The following GPR158 variants were observed in gnomAD, a reference collection of about 807,000 sequenced individuals.
The protein encoded by GPR158 is metabotropic glycine receptor.
GPR158 carries 30 observed loss-of-function variants against 78.2 expected under a neutral mutation model. The ratio of observed to expected loss-of-function variants is 0.38; its 90% CI spans 0.29 to 0.52. The LOEUF (loss-of-function observed/expected upper bound fraction) is 0.52. Among genes scored for constraint, GPR158 ranks in the 20% least tolerant of loss-of-function variants. The probability of loss-of-function intolerance (pLI) is 0.83; values close to 1 mark genes in which losing one functional copy is unlikely to be tolerated. For synonymous variants in GPR158, 581 were observed against 591.1 expected (o/e 0.98, Z 0.25); for missense variants, 1,463 against 1,523.5 (o/e 0.96, Z 0.66).
At chr10:25,257,382 C>A (rs1853903604) in intron 2 of GPR158, among the ~76,000 whole-genome samples, 1 of 152,144 alleles carries the variant, frequency 6.6e-6, no homozygotes, top group Non-Finnish European at 1.5e-5. Flanking sequence ...ATAGGAATGC[C>A]TCTTAATACA....
intron 2 of GPR158, among the ~76,000 whole-genome samples, chr10:25,257,148 C>A (rs991972262): frequency 6.6e-6 from 1 of 152,146 alleles, no homozygotes; most frequent in Non-Finnish European, 1.5e-5. Context: ...CATCCCACAG[C>A]AGAAAGGGAG....
intron 2 of GPR158, among the ~76,000 whole-genome samples, chr10:25,343,677 C>T (rs542448497): frequency 1.1e-4 from 17 of 152,068 alleles, no homozygotes; most frequent in African/African-American, 3.6e-4. Flanking sequence ...TCAATTAATA[C>T]ATCTAAATGA....
intron 4 of GPR158, among the ~76,000 whole-genome samples, chr10:25,448,493 TG>T (rs1356993077): frequency 1.2e-4 from 19 of 152,366 alleles, no homozygotes; most frequent in African/African-American, 4.3e-4. Context: ...ATGAATGTTA[TG>T]TAATTTGTGC....
At chr10:25,516,253 G>A (rs1435393723) in intron 5 of GPR158, among the ~76,000 whole-genome samples, 1 of 148,596 alleles carries the variant, frequency 6.7e-6, no homozygotes, top group Non-Finnish European at 1.5e-5. Flanking sequence ...TGAGTTCATT[G>A]TAGATTCTGG....
chr10:25,482,444 A>G (rs929113126), intron 5 of GPR158, among the ~76,000 whole-genome samples: 3 of 152,090 alleles, frequency 2.0e-5, no homozygotes, highest in African/African-American at 7.2e-5. Context: ...CATCCTCCCA[A>G]AAAACTGAGA....
chr10:25,319,512 C>T (rs1342717514), intron 2 of GPR158, among the ~76,000 whole-genome samples: 1 of 152,094 alleles, frequency 6.6e-6, no homozygotes, highest in Non-Finnish European at 1.5e-5. Context: ...ATTTGATACC[C>T]TGGTTTCTAG....
At chr10:25,276,375 G>A (rs993972658) in intron 2 of GPR158, among the ~76,000 whole-genome samples, 4 of 152,120 alleles carry the variant, frequency 2.6e-5, no homozygotes, top group Admixed American at 2.0e-4. Flanking sequence ...TTCTTCCTTT[G>A]TAGTGTTTAA....
At chr10:25,530,531 G>C (rs906715552) in intron 5 of GPR158, among the ~76,000 whole-genome samples, 1 of 152,314 alleles carries the variant, frequency 6.6e-6, no homozygotes, top group East Asian at 1.9e-4. Context: ...CCCCGCAGAA[G>C]GTGTGCTGCA....
chr10:25,350,430 G>C (rs1447369212), intron 2 of GPR158, among the ~76,000 whole-genome samples: 1 of 151,910 alleles, frequency 6.6e-6, no homozygotes, highest in East Asian at 1.9e-4. Flanking sequence ...AAATTCTTCT[G>C]AATTGCTATC....
intron 6 of GPR158, among the ~76,000 whole-genome samples, chr10:25,556,224 C>T (rs767759388): frequency 3.3e-5 from 5 of 152,142 alleles, no homozygotes; most frequent in African/African-American, 4.8e-5. Context: ...ATAAATGCCT[C>T]TGGAATCCAG....
intron 5 of GPR158, among the ~76,000 whole-genome samples, chr10:25,483,208 C>T (rs1431261709): frequency 1.3e-5 from 2 of 152,048 alleles, no homozygotes; most frequent in Non-Finnish European, 2.9e-5. Context: ...CTCCCTATTT[C>T]ATTCAGAATG....
chr10:25,544,139 A>G (rs1473886305), intron 5 of GPR158, among the ~76,000 whole-genome samples: 2 of 152,184 alleles, frequency 1.3e-5, no homozygotes. Context: ...TGCTGTGATC[A>G]TTCATCCAGC....
rs555568927 is a variant in GPR158 at position 25,405,020 on chromosome 10, G to T, written c.1112-7230G>T. Among the ~76,000 whole-genome samples, 8 of 152,112 alleles carry T rather than the reference G, an allele frequency of 5.3e-5. No homozygotes were observed. The South Asian group carries it at 1.5e-3, about 28-fold the overall frequency. On this transcript the variant is annotated intron_variant, in intron 3 of 10. Coordinates refer to ENST00000376351, the MANE Select transcript of GPR158 (RefSeq NM_020752.3). The stretch of plus-strand genomic sequence containing the variant: ...TACCCCCGATTCTCTATTTCGAAAG[G>T]TTGAATCTAGACAAGTAACTCAGTC...
chr10:25,263,058 A>T lies in GPR158; in HGVS notation c.1008+41901A>T, dbSNP rs143397580. Among the ~76,000 whole-genome samples, 75 of 152,252 alleles carry T rather than the reference A, an allele frequency of 4.9e-4. 1 individual carries two copies. The East Asian group carries it at 0.013, about 26-fold the overall frequency. ...GCAAAAGTTTTTAATTTTAATGAAG[A>T]CCAGCTTATCAACTATTTCTTCCAT... On this transcript the variant is annotated intron_variant, in intron 2 of 10. Transcript: ENST00000376351.
intron 5 of GPR158, among the ~76,000 whole-genome samples, chr10:25,514,203 A>G (rs1274281448): frequency 6.6e-6 from 1 of 152,116 alleles, no homozygotes; most frequent in East Asian, 1.9e-4. Flanking sequence ...AGGTGCATAC[A>G]TATTTAAGAT....
chr10:25,354,892 G>A (rs1051699109), intron 2 of GPR158, among the ~76,000 whole-genome samples: 8 of 151,916 alleles, frequency 5.3e-5, no homozygotes, highest in Non-Finnish European at 1.2e-4. Flanking sequence ...ACTCCCTCCT[G>A]GTCTTTATGG....
At chr10:25,246,554 C>A (rs1853692188) in intron 2 of GPR158, among the ~76,000 whole-genome samples, 1 of 152,118 alleles carries the variant, frequency 6.6e-6, no homozygotes, top group Admixed American at 6.6e-5. Flanking sequence ...AGCTGATGAG[C>A]TGAGCATTAT....
intron 1 of GPR158, among the ~76,000 whole-genome samples, chr10:25,200,760 C>A (rs1852912896): frequency 6.6e-6 from 1 of 152,000 alleles, no homozygotes; most frequent in South Asian, 2.1e-4. Context: ...ATAGGAAGTC[C>A]TTTCCCCATT....
At chr10:25,200,863 G>GTTTTTTTT (rs1209435056) in intron 1 of GPR158, among the ~76,000 whole-genome samples, 26 of 84,452 alleles carry the variant, frequency 3.1e-4, no homozygotes, top group South Asian at 1.8e-3. Flanking sequence ...TCTGTTTTTT[G>GTTTTTTTT]TTTTGTTTTT....
Sources: gnomAD v4.1 joint callset for allele counts (sites outside exome capture counted in the v4.1 genomes callset) on GRCh38, gnomAD v4.1.1 for gene constraint, MANE v1.5 for transcripts, NCBI Gene and HGNC (gene_info 2026-07-23, HGNC 2026-07-21) for gene names.